The following MZT2A variants were observed in gnomAD, a reference collection of about 807,000 sequenced individuals.
The protein encoded by MZT2A is mitotic spindle organizing protein 2A.
MZT2A carries 8 observed loss-of-function variants against 12.4 expected under a neutral mutation model. That is an observed-to-expected ratio of 0.64 (90% CI 0.38 to 1.16). The LOEUF is 1.16. Among genes scored for constraint, MZT2A ranks in the 50% most tolerant of loss-of-function variants. The probability of loss-of-function intolerance (pLI) is 0.01; values close to 1 mark genes in which losing one functional copy is unlikely to be tolerated. For synonymous variants in MZT2A, 88 were observed against 107.5 expected (o/e 0.82, Z 1.12); for missense variants, 181 against 223.6 (o/e 0.81, Z 1.22).
At chr2:131,476,169 G>C in intron 2 of MZT2A, 2 of 1,613,832 alleles carry the variant, frequency 1.2e-6, no homozygotes, top group Non-Finnish European at 1.7e-6. Context: ...AGGTCTGGCA[G>C]TAGCGTTGGG....
chr2:131,486,203 A>G (rs1297350768), intron 2 of MZT2A, among the ~76,000 whole-genome samples: 1 of 151,836 alleles, frequency 6.6e-6, no homozygotes, highest in East Asian at 1.9e-4. Flanking sequence ...GGCACAAAGC[A>G]GACAATAGCC....
intron 2 of MZT2A, among the ~76,000 whole-genome samples, chr2:131,474,388 C>G (rs555996831): frequency 1.4e-5 from 2 of 146,084 alleles, no homozygotes; most frequent in Admixed American, 7.0e-5. Context: ...TGAGCCACCG[C>G]GCCCAGTCTT....
At chr2:131,491,785 AC>A in intron 2 of MZT2A, 90 bp downstream of exon 2, 1 of 1,424,248 alleles carries the variant, frequency 7.0e-7, no homozygotes, top group South Asian at 1.4e-5. Flanking sequence ...AGGCCTGGCC[AC>A]TCAGGGCCAC....
intron 2 of MZT2A, chr2:131,472,258 T>G: frequency 8.4e-7 from 1 of 1,184,754 alleles, no homozygotes; most frequent in South Asian, 1.4e-5. Flanking sequence ...TGTTGTTAGC[T>G]GACTTATTGA....
chr2:131,486,724 C>G (rs182346718), intron 2 of MZT2A, among the ~76,000 whole-genome samples: 135 of 151,784 alleles, frequency 8.9e-4, no homozygotes, highest in East Asian at 1.8e-3. Flanking sequence ...CCCATGGCCT[C>G]GAGGGATCTT....
downstream of MZT2A, among the ~76,000 whole-genome samples, chr2:131,481,933 G>C (rs553360224): frequency 5.3e-5 from 8 of 152,342 alleles, no homozygotes; most frequent in East Asian, 1.4e-3. Context: ...CTGCGGCCAG[G>C]ACCTCAGGTC....
chr2:131,476,094 A>G, intron 2 of MZT2A: 1 of 1,562,092 alleles, frequency 6.4e-7, no homozygotes, highest in South Asian at 1.2e-5. Flanking sequence ...CGGCGGGCCA[A>G]TCCCGTGCGG....
At chr2:131,479,261 T>C, downstream of MZT2A, 3 of 1,594,990 alleles carry the variant, frequency 1.9e-6, no homozygotes, top group Non-Finnish European at 1.7e-6. Context: ...TCCATCTTGG[T>C]GAGTACAGGC....
chr2:131,481,496 C>T (rs1337367176), downstream of MZT2A, among the ~76,000 whole-genome samples: 5 of 146,418 alleles, frequency 3.4e-5, no homozygotes, highest in Admixed American at 6.8e-5. Flanking sequence ...AATGCAGTGG[C>T]GTGATCTTGA....
rs760861538 is a variant in MZT2A, at chr2:131,492,033, G to T, written c.171-9C>A. The T allele has an allele frequency of 9.9e-5, 154 of 1,548,674 alleles. No individual in the cohort carries two copies. The highest frequency in any genetic ancestry group is 1.3e-4 in the Non-Finnish European group (146 of 1,147,744). On this transcript the variant is annotated splice_polypyrimidine_tract_variant and intron_variant, in intron 1 of 2. Coordinates refer to ENST00000309451, the MANE Select transcript of MZT2A (RefSeq NM_001085365.2). The stretch of plus-strand genomic sequence containing the variant: ...GCAGGTCCACCAGGATCCTGGCGGG[G>T]ACAGACGCGGGGCCGGTGAGCCCTC...
intron 2 of MZT2A, among the ~76,000 whole-genome samples, chr2:131,488,704 C>T (rs1218402682): frequency 6.6e-6 from 1 of 152,164 alleles, no homozygotes; most frequent in Non-Finnish European, 1.5e-5. Flanking sequence ...CTCAGCAGCA[C>T]ACGTCTGCCC....
In MZT2A at chr2:131,484,069, T is replaced by C; in HGVS notation, c.469A>G (p.Ser157Gly). Reference sequence around the variant, plus strand: ...CAAGTCTCTGCCCCATCCTAGGTGCTGCCCTGCGTAGGGCTCTTCCCAGGC... The same window carrying C: ...CAAGTCTCTGCCCCATCCTAGGTGCCGCCCTGCGTAGGGCTCTTCCCAGGC... ...GGPGKSPTQG[S>G]T Residue 157 changes from serine (S) to glycine (G), a missense_variant, in exon 3 of 3, where the codon AGC (serine) becomes GGC (glycine). Physicochemically the swap from Ser to Gly is moderately conservative, Grantham distance 56. This residue lies in a region of MZT2A where 72 missense variants were observed against 76.9 expected (regional missense o/e 0.94). Transcript: ENST00000309451. 6.2e-7 allele frequency: 1 copy of C among 1,609,256 alleles called. No individual in the cohort carries two copies. Among genetic ancestry groups the C allele is most frequent in the Non-Finnish European group, 8.5e-7 (1 of 1,176,324 alleles).
chr2:131,486,047 G>A (rs187122019), intron 2 of MZT2A, among the ~76,000 whole-genome samples: 280 of 151,218 alleles, frequency 1.9e-3, no homozygotes, highest in African/African-American at 6.1e-3. Flanking sequence ...GGGTTACAGC[G>A]GTGTCATGCT....
intron 2 of MZT2A, among the ~76,000 whole-genome samples, chr2:131,486,247 T>C (rs953242242): frequency 6.6e-6 from 1 of 152,018 alleles, no homozygotes; most frequent in African/African-American, 2.4e-5. Context: ...ACTGCCATAA[T>C]TCTAGTCCCC....
At chr2:131,475,518 G>A (rs1559344149) in intron 2 of MZT2A, among the ~76,000 whole-genome samples, 1 of 151,524 alleles carries the variant, frequency 6.6e-6, no homozygotes, top group Non-Finnish European at 1.5e-5. Context: ...TAGTAGAGAC[G>A]GGTTTTCACC....
chr2:131,476,574 T>C (rs1363366939), intron 2 of MZT2A, among the ~76,000 whole-genome samples: 2 of 152,158 alleles, frequency 1.3e-5, no homozygotes, highest in Admixed American at 6.5e-5. Flanking sequence ...GGGTTGGGGC[T>C]GTGGACATTG....
At chr2:131,492,089 C>T (rs1292731934) in intron 1 of MZT2A, 65 bp from the exon 2 acceptor site, 17 of 1,569,792 alleles carry the variant, frequency 1.1e-5, no homozygotes, top group Non-Finnish European at 1.5e-5. Context: ...CCCTGAAGAC[C>T]GGACAAGGAC....
intron 2 of MZT2A, 104 bp from the exon 3 acceptor site, chr2:131,484,322 A>G: frequency 6.6e-6 from 10 of 1,519,948 alleles, no homozygotes; most frequent in Non-Finnish European, 8.9e-6. Context: ...ACACATTTCC[A>G]TCAAAGTCGC....
intron 2 of MZT2A, chr2:131,490,457 A>G (rs1222178710): frequency 1.2e-5 from 16 of 1,359,136 alleles, no homozygotes; most frequent in Middle Eastern, 2.8e-4. Context: ...TACACTCACC[A>G]CTAGTTCGCC....
Sources: allele counts gnomAD v4.1 joint callset (sites outside exome capture counted in the v4.1 genomes callset), GRCh38; gene constraint gnomAD v4.1.1; regional missense constraint gnomAD v4.1.1; transcripts MANE v1.5; gene names NCBI Gene and HGNC (gene_info 2026-07-23, HGNC 2026-07-21).